The following ANO3 variants were observed in gnomAD, a reference collection of about 807,000 sequenced individuals.
The protein encoded by ANO3 is anoctamin 3.
In ANO3, 99 loss-of-function variants were observed where a neutral mutation model predicts 144.8. The observed-to-expected ratio is 0.68, with a 90% confidence interval of 0.58 to 0.81. The LOEUF is 0.81. ANO3 is among the 30% of genes least tolerant of loss of function. ANO3 has a pLI of 0.00. For synonymous variants in ANO3, 414 were observed against 392.6 expected (o/e 1.05, Z -0.64); for missense variants, 905 against 1,202.2 (o/e 0.75, Z 3.66).
intron 1 of ANO3, among the ~76,000 whole-genome samples, chr11:26,337,806 G>C (rs1564971387): frequency 6.6e-6 from 1 of 151,994 alleles, no homozygotes; most frequent in Non-Finnish European, 1.5e-5. Context: ...GTGGTGACGG[G>C]CACCTGTAAT....
At chr11:26,413,081 A>G (rs1357915032) in intron 1 of ANO3, among the ~76,000 whole-genome samples, 1 of 151,916 alleles carries the variant, frequency 6.6e-6, no homozygotes, top group African/African-American at 2.4e-5. Flanking sequence ...TCAGAATGGG[A>G]ATGGCAAGAA....
At position 26,254,941 on chromosome 11, in the gene ANO3, A is replaced by C. The variant is rs368692306; in HGVS notation, c.155-54704A>C. Among the ~76,000 whole-genome samples, 8 of 152,170 alleles carry C rather than the reference A, an allele frequency of 5.3e-5. No homozygotes were observed. The East Asian group carries it at 1.5e-3, about 29-fold the overall frequency. On this transcript the variant is annotated intron_variant, in intron 1 of 27. Coordinates refer to the ANO3 transcript ENST00000672621. ...TCAATATCCCAATTTTATAGATGAA[A>C]AAACAACTTCTTCAAGATTAAATAA...
intron 1 of ANO3, among the ~76,000 whole-genome samples, chr11:26,219,540 T>C (rs761634547): frequency 6.6e-6 from 1 of 152,226 alleles, no homozygotes; most frequent in Non-Finnish European, 1.5e-5. Flanking sequence ...CAATATAATG[T>C]TGAATATTAT....
rs116589029 is a variant in ANO3 at position 26,450,833 on chromosome 11, C to T, written c.313+6997C>T. Among the ~76,000 whole-genome samples the T allele has an allele frequency of 3.4e-3, 524 of 152,058 alleles. 2 individuals are homozygous for T. The highest frequency in any genetic ancestry group is 0.012 in the African/African-American group (481 of 41,480). On this transcript the variant is annotated intron_variant, in intron 3 of 26. Transcript: ENST00000256737. ...CAAATGCTGAAACAATGCAATGTAACGGAGTAACAAAATAAAATGACATTA... is the reference window on the plus strand; with the variant it reads ...CAAATGCTGAAACAATGCAATGTAATGGAGTAACAAAATAAAATGACATTA...
At chr11:26,304,296 G>A (rs983745861) in intron 1 of ANO3, among the ~76,000 whole-genome samples, 1 of 152,012 alleles carries the variant, frequency 6.6e-6, no homozygotes, top group African/African-American at 2.4e-5. Flanking sequence ...AATGGCAAAT[G>A]TAGATTGTCC....
intron 1 of ANO3, among the ~76,000 whole-genome samples, chr11:26,190,685 G>A (rs1015076195): frequency 9.9e-5 from 15 of 151,780 alleles, no homozygotes; most frequent in African/African-American, 3.4e-4. Context: ...TTCAACTATT[G>A]TCTTTGTGCA....
intron 5 of ANO3, among the ~76,000 whole-genome samples, chr11:26,509,069 G>A (rs1365172597): frequency 1.5e-5 from 2 of 137,290 alleles, no homozygotes; most frequent in Non-Finnish European, 3.1e-5. Context: ...ATATATGTAC[G>A]TATACATATA....
intron 1 of ANO3, among the ~76,000 whole-genome samples, chr11:26,377,274 A>G (rs935533291): frequency 2.6e-5 from 4 of 152,168 alleles, no homozygotes; most frequent in African/African-American, 9.6e-5. Flanking sequence ...TTGCCAAAAG[A>G]CTTCAGATAT....
At position 26,559,787 on chromosome 11, in the gene ANO3, C is replaced by A; in HGVS notation, c.1447+8C>A. Reference sequence around the variant, plus strand: ...TTTTTATGGCAATATGGGGTAAGTACTTTCTTCATTACTTTCTATCCCTTA... The same window carrying A: ...TTTTTATGGCAATATGGGGTAAGTAATTTCTTCATTACTTTCTATCCCTTA... On this transcript the variant is annotated splice_region_variant and intron_variant, in intron 14 of 26. Transcript: ENST00000256737. 1.3e-6 allele frequency: 2 copies of A among 1,592,004 alleles called. No individual in the cohort carries two copies. Among genetic ancestry groups the A allele is most frequent in the Non-Finnish European group, 1.7e-6 (2 of 1,162,214 alleles).
intron 1 of ANO3, among the ~76,000 whole-genome samples, chr11:26,269,341 G>A (rs144285611): frequency 3.9e-5 from 6 of 152,292 alleles, no homozygotes; most frequent in Non-Finnish European, 8.8e-5. Context: ...AAGGGGAGAC[G>A]TGGAAGGCAC....
chr11:26,419,166 G>A (rs1174945690), intron 1 of ANO3, among the ~76,000 whole-genome samples: 1 of 152,086 alleles, frequency 6.6e-6, no homozygotes, highest in African/African-American at 2.4e-5. Context: ...GAGGAAGAGA[G>A]AGAAAGGGGA....
intron 19 of ANO3, among the ~76,000 whole-genome samples, chr11:26,634,543 T>C (rs956432563): frequency 6.6e-6 from 1 of 152,208 alleles, no homozygotes. Flanking sequence ...TGGGTTATAA[T>C]TCCTTAATGT....
chr11:26,214,949 T>C (rs1852007248), intron 1 of ANO3, among the ~76,000 whole-genome samples: 1 of 151,942 alleles, frequency 6.6e-6, no homozygotes, highest in African/African-American at 2.4e-5. Context: ...TCTCAACTGA[T>C]ATTTGTTTTA....
intron 20 of ANO3, among the ~76,000 whole-genome samples, chr11:26,635,671 T>C (rs1310452185): frequency 6.6e-6 from 1 of 152,226 alleles, no homozygotes; most frequent in Non-Finnish European, 1.5e-5. Flanking sequence ...TTTACCAATC[T>C]AATAGCCAGT....
chr11:26,481,008 A>G (rs1323844275), intron 4 of ANO3, among the ~76,000 whole-genome samples: 1 of 152,148 alleles, frequency 6.6e-6, no homozygotes, highest in African/African-American at 2.4e-5. Context: ...GGATGGTTAC[A>G]GAAAATAATA....
chr11:26,364,607 T>C (rs567766326), intron 1 of ANO3, among the ~76,000 whole-genome samples: 3 of 152,188 alleles, frequency 2.0e-5, no homozygotes, highest in Non-Finnish European at 4.4e-5. Context: ...TCTCATTACA[T>C]GGTGAAAGCA....
intron 1 of ANO3, among the ~76,000 whole-genome samples, chr11:26,434,120 G>A (rs1285916231): frequency 6.6e-6 from 1 of 152,036 alleles, no homozygotes; most frequent in East Asian, 1.9e-4. Flanking sequence ...GGTCTGTTCA[G>A]GGAATCAATT....
chr11:26,376,875 G>T (rs1220433630), intron 1 of ANO3, among the ~76,000 whole-genome samples: 2 of 152,128 alleles, frequency 1.3e-5, no homozygotes, highest in African/African-American at 2.4e-5. Flanking sequence ...ACTGAAATTT[G>T]TCCTTATAGG....
chr11:26,610,600 A>G (rs1401908755), intron 17 of ANO3, among the ~76,000 whole-genome samples: 1 of 152,104 alleles, frequency 6.6e-6, no homozygotes, highest in Admixed American at 6.5e-5. Context: ...ATCCTTGCCC[A>G]GCCCAAAGTC....
Sources: allele counts gnomAD v4.1 joint callset (sites outside exome capture counted in the v4.1 genomes callset), GRCh38; gene constraint gnomAD v4.1.1; transcripts MANE v1.5; gene names NCBI Gene and HGNC (gene_info 2026-07-23, HGNC 2026-07-21).